ERC1: variants seen among roughly 807,000 people sequenced by gnomAD.
ERC1 encodes the protein ELKS/RAB6-interacting/CAST family member 1.
In ERC1, 56 loss-of-function variants were observed where a neutral mutation model predicts 132.0. That is an observed-to-expected ratio of 0.42 (90% CI 0.34 to 0.53). The LOEUF (loss-of-function observed/expected upper bound fraction) is 0.53, where lower values mean the gene tolerates loss of function less well. ERC1 is among the 20% of genes least tolerant of loss of function. The pLI is 0.03. For synonymous variants in ERC1, 478 were observed against 476.1 expected (o/e 1.00, Z -0.05); for missense variants, 1,202 against 1,349.9 (o/e 0.89, Z 1.72).
chr12:1,153,329 C>G (rs747842578), intron 8 of ERC1, among the ~76,000 whole-genome samples: 2 of 152,244 alleles, frequency 1.3e-5, no homozygotes, highest in Non-Finnish European at 2.9e-5. Flanking sequence ...TGCAGGTTAT[C>G]ACAGCACTGT....
intron 15 of ERC1, among the ~76,000 whole-genome samples, chr12:1,370,119 T>A (rs1477889925): frequency 6.6e-6 from 1 of 152,236 alleles, no homozygotes; most frequent in African/African-American, 2.4e-5. Context: ...CTCAGGCCAC[T>A]TATATAGTTC....
At chr12:1,193,431 TACACACAC>T (rs57726333) in intron 12 of ERC1, among the ~76,000 whole-genome samples, 5 of 149,042 alleles carry the variant, frequency 3.4e-5, no homozygotes, top group Admixed American at 6.7e-5. Context: ...ATTAGTAGGA[TACACACAC>T]ACACACACAC....
rs141363412 is a variant in ERC1 at position 1,117,030 on chromosome 12, C to G, written c.1569+997C>G. 2.2e-3 allele frequency among the ~76,000 whole-genome samples: 339 copies of G among 152,236 alleles called. 2 individuals are homozygous for G. The highest frequency in any genetic ancestry group is 7.8e-3 in the African/African-American group (326 of 41,534). ...GATCGATTCTTATCTATCTTACTTT[C>G]AATGATCGAAGAGAAAGAGTTGATG... On this transcript the variant is annotated intron_variant, in intron 7 of 18. Coordinates refer to ENST00000360905, the MANE Select transcript of ERC1 (RefSeq NM_178040.4).
In ERC1 at chr12:1,422,408, C is replaced by T. The variant is rs551517264; in HGVS notation, c.3024+14161C>T. On this transcript the variant is annotated intron_variant, in intron 17 of 18. Transcript: ENST00000360905. ...ATTCTACTCTCTGTTTGTATGAGAT[C>T]AACCTTTTAAGCTTCCATACATGAA... 3.3e-5 allele frequency among the ~76,000 whole-genome samples: 5 copies of T among 152,214 alleles called. No homozygotes were observed. In the South Asian group the frequency reaches 6.2e-4, roughly 19 times the overall value.
intron 3 of ERC1, among the ~76,000 whole-genome samples, chr12:1,102,674 G>T (rs902893238): frequency 2.3e-4 from 35 of 152,202 alleles, no homozygotes; most frequent in African/African-American, 7.7e-4. Context: ...ATCAGTGAAT[G>T]AATGAAACAA....
chr12:1,467,140 C>T (rs771046229), intron 18 of ERC1, among the ~76,000 whole-genome samples: 2 of 152,208 alleles, frequency 1.3e-5, no homozygotes, highest in African/African-American at 4.8e-5. Flanking sequence ...ACATCTTACT[C>T]TTTTCTAATG....
intron 8 of ERC1, among the ~76,000 whole-genome samples, chr12:1,179,379 T>C (rs111978186): frequency 0.021 from 3,238 of 152,262 alleles, 112 homozygotes; most frequent in African/African-American, 0.075. Flanking sequence ...TCCATCTCTC[T>C]ATAATAAAAT....
chr12:1,040,039 T>G (rs1471871769), intron 2 of ERC1, among the ~76,000 whole-genome samples: 1 of 152,236 alleles, frequency 6.6e-6, no homozygotes, highest in East Asian at 1.9e-4. Context: ...ATTTATGATT[T>G]TTTTACAAAC....
In ERC1 at chr12:1,491,237, C is replaced by T. The variant is rs765952540; in HGVS notation, c.*1007C>T. On this transcript the variant is annotated 3_prime_UTR_variant, in exon 19 of 19. Coordinates refer to ENST00000360905, the MANE Select transcript of ERC1 (RefSeq NM_178040.4). ...CTTGCCAGCACCCGTGTCCTGAGCTCCTGCAGCCCAGTGGCTGCTGAAGTT... is the reference window on the plus strand; with the variant it reads ...CTTGCCAGCACCCGTGTCCTGAGCTTCTGCAGCCCAGTGGCTGCTGAAGTT... 8.6e-6 allele frequency: 2 copies of T among 231,590 alleles called. No homozygotes were observed. The highest frequency in any genetic ancestry group is 1.2e-4 in the East Asian group (2 of 16,402). The allele number at this position is 231,590 out of a possible 1,614,324, so 14.3% of individuals were successfully genotyped here.
intron 15 of ERC1, among the ~76,000 whole-genome samples, chr12:1,305,933 G>A (rs931532692): frequency 6.6e-6 from 1 of 152,162 alleles, no homozygotes; most frequent in African/African-American, 2.4e-5. Context: ...CTGTGGAAAG[G>A]CAGCAGAAGG....
intron 17 of ERC1, among the ~76,000 whole-genome samples, chr12:1,423,029 T>A (rs1403212385): frequency 6.6e-6 from 1 of 152,214 alleles, no homozygotes; most frequent in Non-Finnish European, 1.5e-5. Context: ...CTAAGGCAGC[T>A]CCAATGCCCT....
chr12:1,248,641 G>T (rs990347974), intron 13 of ERC1, among the ~76,000 whole-genome samples: 1 of 152,200 alleles, frequency 6.6e-6, no homozygotes, highest in Non-Finnish European at 1.5e-5. Flanking sequence ...CAGTCTACGT[G>T]AAAAGTTGAC....
intron 14 of ERC1, among the ~76,000 whole-genome samples, chr12:1,284,285 T>TGTGTGC (rs904889970): frequency 7.1e-6 from 1 of 141,832 alleles, no homozygotes; most frequent in Non-Finnish European, 1.5e-5. Context: ...TGTGTGTGTG[T>TGTGTGC]GTGTGTGTGT....
chr12:1,054,854 T>C (rs1972652006), intron 2 of ERC1, among the ~76,000 whole-genome samples: 2 of 152,150 alleles, frequency 1.3e-5, no homozygotes, highest in African/African-American at 4.8e-5. Flanking sequence ...TTTAGAATAA[T>C]GTTAACATGA....
intron 2 of ERC1, among the ~76,000 whole-genome samples, chr12:1,049,935 G>GT (rs774601590): frequency 2.6e-5 from 4 of 151,948 alleles, no homozygotes; most frequent in Admixed American, 6.5e-5. Context: ...TAGAGACAGG[G>GT]TTTTACCATG....
In ERC1 at chr12:1,180,579, C is replaced by A; in HGVS notation, c.1777C>A (p.Gln593Lys). 10 of 1,613,978 alleles carry A rather than the reference C, an allele frequency of 6.2e-6. No homozygotes were observed. The highest frequency in any genetic ancestry group is 8.5e-6 in the Non-Finnish European group (10 of 1,179,976). Reference protein sequence around the residue: ...LQEQLRDKEKQMSSLKERVKS... With the variant: ...LQEQLRDKEKKMSSLKERVKS... ...AGAGCAGCTTAGAGACAAGGAAAAG[C>A]AGATGAGCAGCTTGAAAGAACGGGT... The change falls in exon 9 of 19, where the codon CAG becomes AAG. Residue 593 changes from glutamine to lysine, a missense_variant. By Grantham distance (53) the Gln-to-Lys change is moderately conservative. Coordinates refer to ENST00000360905, the MANE Select transcript of ERC1 (RefSeq NM_178040.4).
intron 18 of ERC1, among the ~76,000 whole-genome samples, chr12:1,455,367 C>T (rs1266449418): frequency 1.3e-5 from 2 of 152,176 alleles, no homozygotes; most frequent in Non-Finnish European, 2.9e-5. Flanking sequence ...TCAGCACGCC[C>T]CAACCCCCTT....
At chr12:1,465,307 G>T (rs560933411) in intron 18 of ERC1, among the ~76,000 whole-genome samples, 4 of 152,218 alleles carry the variant, frequency 2.6e-5, no homozygotes, top group African/African-American at 9.6e-5. Context: ...TCCGGTCAGA[G>T]CATCTGAAAT....
chr12:1,289,782 G>GTGT, intron 14 of ERC1, 70 bp from the exon 15 acceptor site: 1 of 1,281,394 alleles, frequency 7.8e-7, no homozygotes, highest in South Asian at 1.3e-5. Flanking sequence ...CAGGAGTTGC[G>GTGT]TGTTACCCAG....
Sources: allele counts gnomAD v4.1 joint callset (sites outside exome capture counted in the v4.1 genomes callset), GRCh38; gene constraint gnomAD v4.1.1; transcripts MANE v1.5; gene names NCBI Gene and HGNC (gene_info 2026-07-23, HGNC 2026-07-21).